Variants in VWA5B2 observed in about 807,000 individuals in gnomAD.
The protein encoded by VWA5B2 is von Willebrand factor A domain containing 5B2, also known as von Willebrand factor A domain-containing protein 5B2.
Under a neutral mutation model 118.5 loss-of-function variants are expected in VWA5B2, and 93 were observed. The ratio of observed to expected loss-of-function variants is 0.79; its 90% confidence interval spans 0.66 to 0.93. The LOEUF is 0.93. VWA5B2 is among the 40% of genes least tolerant of loss of function. The pLI, the probability that VWA5B2 is intolerant of heterozygous loss-of-function variation, is 0.00. For synonymous variants in VWA5B2, 708 were observed against 716.3 expected, an observed-to-expected ratio of 0.99 and a Z score of 0.19; for missense variants, 1,546 against 1,672.8, an observed-to-expected ratio of 0.92 and a Z score of 1.32.
chr3:184,240,795 T>G lies in VWA5B2; in HGVS notation c.2745T>G (p.His915Gln). 6.4e-7 allele frequency: 1 copy of G among 1,550,790 alleles called. No individual in the cohort carries two copies. Among genetic ancestry groups the G allele is most frequent in the Non-Finnish European group, 8.7e-7 (1 of 1,146,964 alleles). ...GACTGCTCCTTGGTTCCACAGGCCA[T>G]GCCCGGAGGTGCTGGCTTCGAGCCC... ...GGAETTADRG[H>Q]ARRCWLRALQ... The change falls in exon 17 of 20, where the codon CAT (histidine) becomes CAG (glutamine). Residue 915 changes from histidine (H) to glutamine (Q), a missense_variant. By Grantham distance (24) the His-to-Gln change is conservative. Transcript: ENST00000691901.
In VWA5B2 at chr3:184,230,504, C is replaced by T. The variant is rs1717268460; in HGVS notation, c.-25C>T. 2.1e-6 allele frequency: 3 copies of T among 1,434,400 alleles called. No homozygotes were observed. The South Asian group carries it at 4.2e-5, about 20-fold the overall frequency. The allele number at this position is 1,434,400 out of a possible 1,614,324, so 88.9% of individuals were successfully genotyped here. Reference sequence around the variant, plus strand: ...CTGCGCCCAGCTTCCCCGGCCCGTTCCCGCAGGGCCGGCCTCCCGGCGCCA... The same window carrying T: ...CTGCGCCCAGCTTCCCCGGCCCGTTTCCGCAGGGCCGGCCTCCCGGCGCCA... On this transcript the variant is annotated 5_prime_UTR_variant, in exon 2 of 20. Coordinates refer to ENST00000691901, the MANE Select transcript of VWA5B2 (RefSeq NM_001390846.1).
Position 184,238,564 on chromosome 3 carries a change from T to G in VWA5B2, c.1893T>G (p.Ser631Arg). Residue 631 changes from serine to arginine, a missense_variant and splice_region_variant, in exon 14 of 20, where the codon AGT becomes AGG. Ser to Arg is a moderately radical substitution (Grantham distance 110). Around this residue, in one of 3 missense-constraint regions of VWA5B2, gnomAD observed 775 missense variants for 882.3 expected, o/e 0.88. Coordinates refer to ENST00000691901, the MANE Select transcript of VWA5B2 (RefSeq NM_001390846.1). This position sits in a 1 kb window ranked among gnomAD's most constrained non-coding sequence, Gnocchi z 5.0. Reference protein sequence around the residue: ...SPWAARDSEQSTDALTDPVTD... With the variant: ...SPWAARDSEQRTDALTDPVTD... The stretch of plus-strand genomic sequence containing the variant: ...GCCCATTCTACTGCCTCCCAGCAGG[T>G]ACTGATGCTCTGACAGACCCAGTCA... 6.5e-7 allele frequency: 1 copy of G among 1,546,844 alleles called. No homozygotes were observed.
chr3:184,231,067 G>A (rs1367301252), intron 3 of VWA5B2, 150 bp downstream of exon 3: 3 of 1,180,268 alleles, frequency 2.5e-6, no homozygotes, highest in Non-Finnish European at 3.1e-6. Flanking sequence ...GTCGTGGGCT[G>A]GGCACCTGAC....
chr3:184,236,120 G>A (rs1022306551), intron 8 of VWA5B2, 32 bp from the exon 9 acceptor site: 38 of 1,537,824 alleles, frequency 2.5e-5, no homozygotes, highest in African/African-American at 2.7e-5. Flanking sequence ...CCATGGGGCC[G>A]GCCTCACGCC....
chr3:184,239,484 C>T lies in VWA5B2; in HGVS notation c.2293C>T (p.Gln765Ter), dbSNP rs996828198. 4 of 1,550,218 alleles carry T rather than the reference C, an allele frequency of 2.6e-6. No individual in the cohort carries two copies. The highest frequency in any genetic ancestry group is 2.6e-6 in the Non-Finnish European group (3 of 1,146,580). Residue 765 changes from glutamine (Q) to a stop codon, truncating the protein, a stop_gained, in exon 15 of 20, where the codon CAA becomes TAA. Coordinates refer to ENST00000691901, the MANE Select transcript of VWA5B2 (RefSeq NM_001390846.1). LOFTEE classifies it high-confidence loss of function. The surrounding 1 kb of genome is among the most constrained non-coding windows in gnomAD (Gnocchi z 5.1). ...SLSSPPGRAN[Q>*]VPGRPRKPSL... Reference sequence around the variant, plus strand: ...CTCATCCCCTCCAGGCCGGGCAAACCAAGTCCCCGGCCGACCCCGGAAACC... The same window carrying T: ...CTCATCCCCTCCAGGCCGGGCAAACTAAGTCCCCGGCCGACCCCGGAAACC...
chr3:184,231,255 T>C (rs1349831598), intron 3 of VWA5B2, among the ~76,000 whole-genome samples: 1 of 152,136 alleles, frequency 6.6e-6, no homozygotes, highest in African/African-American at 2.4e-5. Context: ...CCTTACTATT[T>C]TAGGCTGCAC....
Position 184,236,438 on chromosome 3 carries a change from G to GC in VWA5B2, c.1312dup (p.Gln438ProfsTer89). The GC allele has an allele frequency of 6.5e-7, 1 of 1,546,844 alleles. No homozygotes were observed. The highest frequency in any genetic ancestry group is 8.7e-7 in the Non-Finnish European group (1 of 1,146,816). ...CTGCTCTGGACTGGGCCGTGGGGCA[G>GC]CCCCAGCACAGGGCCTACCCTCGGC... is the stretch of plus-strand genomic sequence containing the variant. On this transcript the variant is annotated frameshift_variant, in exon 10 of 20. Coordinates refer to ENST00000691901, the MANE Select transcript of VWA5B2 (RefSeq NM_001390846.1). LOFTEE classifies it high-confidence loss of function.
chr3:184,234,711 G>A lies in VWA5B2; in HGVS notation c.901G>A (p.Asp301Asn). The A allele has an allele frequency of 6.4e-7, 1 of 1,551,520 alleles. No homozygotes were observed. Among genetic ancestry groups the A allele is most frequent in the Non-Finnish European group, 8.7e-7 (1 of 1,147,002 alleles). Residue 301 changes from aspartate to asparagine, a missense_variant, in exon 7 of 20, where the codon GAT becomes AAT. By Grantham distance (23) the Asp-to-Asn change is conservative (BLOSUM62 1). This residue lies in a region of VWA5B2 where 775 missense variants were observed against 882.3 expected (regional missense o/e 0.88). Transcript: ENST00000691901. Reference protein sequence around the residue: ...EYEARVRARRDFQRLQRRDSD... With the variant: ...EYEARVRARRNFQRLQRRDSD... ...TGAGGCCCGGGTGAGGGCCCGCCGAGATTTTCAGAGGCTACAGCGAAGGGA... is the reference window on the plus strand; with the variant it reads ...TGAGGCCCGGGTGAGGGCCCGCCGAAATTTTCAGAGGCTACAGCGAAGGGA...
chr3:184,231,984 C>T (rs1339771024), intron 3 of VWA5B2, among the ~76,000 whole-genome samples: 3 of 152,074 alleles, frequency 2.0e-5, no homozygotes, highest in Non-Finnish European at 4.4e-5. Flanking sequence ...AAGGTAGGGG[C>T]AACAGTATAA....
At chr3:184,240,752 G>T in intron 16 of VWA5B2, 39 bp from the exon 17 acceptor site, 1 of 1,546,320 alleles carries the variant, frequency 6.5e-7, no homozygotes. Context: ...GTAGAGGGTG[G>T]GTGGTGGGGG....
Position 184,234,256 on chromosome 3 carries a change from T to C in VWA5B2, c.689-10T>C. 1 of 1,551,372 alleles carries C rather than the reference T, an allele frequency of 6.4e-7. No homozygotes were observed. Among genetic ancestry groups the C allele is most frequent in the African/African-American group, 1.4e-5 (1 of 73,172 alleles). ...GCTACATCTCCCCTTCCTGCCTCTATGTCCCTCAGGCCTGGAGAGCCCCTC... is the reference window on the plus strand; with the variant it reads ...GCTACATCTCCCCTTCCTGCCTCTACGTCCCTCAGGCCTGGAGAGCCCCTC... On this transcript the variant is annotated splice_polypyrimidine_tract_variant and intron_variant, in intron 5 of 19. Coordinates refer to ENST00000691901, the MANE Select transcript of VWA5B2 (RefSeq NM_001390846.1).
At position 184,241,849 on chromosome 3, in the gene VWA5B2, C is replaced by G. The variant is rs1018114872; in HGVS notation, c.3540C>G (p.Cys1180Trp). The G allele has an allele frequency of 5.2e-6, 8 of 1,538,660 alleles. No individual in the cohort carries two copies. The highest frequency in any genetic ancestry group is 2.7e-5 in the African/African-American group (2 of 73,004). Residue 1180 changes from cysteine to tryptophan, a missense_variant, in exon 20 of 20, where the codon TGC (cysteine) becomes TGG (tryptophan). By Grantham distance (215) the Cys-to-Trp change is radical. Around this residue, in one of 3 missense-constraint regions of VWA5B2, gnomAD observed 763 missense variants for 766.6 expected, o/e 1.00. Coordinates refer to ENST00000691901, the MANE Select transcript of VWA5B2 (RefSeq NM_001390846.1). This position sits in a 1 kb window ranked among gnomAD's most constrained non-coding sequence, Gnocchi z 5.1. ...CACTCGCCTGGCTGGAGCACCGATG[C>G]GCCGCTGCCTTCGACGAGTGGGAAC... ...AVALAWLEHR[C>W]AAAFDEWELT...
intron 3 of VWA5B2, among the ~76,000 whole-genome samples, chr3:184,232,005 A>G (rs1342679945): frequency 1.3e-5 from 2 of 152,218 alleles, no homozygotes; most frequent in African/African-American, 2.4e-5. Context: ...GCAAATGCTT[A>G]TAAGTAGGTT....
At position 184,236,223 on chromosome 3, in the gene VWA5B2, G is replaced by A. The variant is rs1367969095; in HGVS notation, c.1173G>A (p.Leu391=). ...TLINLAVFGT[L]VQPLFPESRP... is the part of the protein sequence containing the mutation. ...TCAACCTGGCCGTGTTTGGGACGTT[G>A]GTGCAGCCACTCTTCCCAGAGAGCC... is the stretch of plus-strand genomic sequence containing the variant. Residue 391 remains leucine, a synonymous_variant, in exon 9 of 20, where the codon TTG becomes TTA. Coordinates refer to ENST00000691901, the MANE Select transcript of VWA5B2 (RefSeq NM_001390846.1). The A allele has an allele frequency of 6.4e-7, 1 of 1,551,770 alleles. No individual in the cohort carries two copies.
At position 184,241,778 on chromosome 3, in the gene VWA5B2, C is replaced by T; in HGVS notation, c.3469C>T (p.Leu1157=). 6.7e-7 allele frequency: 1 copy of T among 1,488,238 alleles called. No individual in the cohort carries two copies. The highest frequency in any genetic ancestry group is 8.9e-7 in the Non-Finnish European group (1 of 1,121,552). 92.2% of individuals were successfully genotyped at this position (1,488,238 alleles called of 1,614,324 possible). Residue 1157 remains leucine, a synonymous_variant, in exon 20 of 20, where the codon CTG becomes TTG. Transcript: ENST00000691901. The surrounding 1 kb of genome is among the most constrained non-coding windows in gnomAD (Gnocchi z 5.1). ...DTEASEGAEG[L]GGTDLRGRTW... ...CGAGGCCTCCGAGGGGGCGGAAGGG[C>T]TGGGCGGCACCGACCTGCGGGGCCG...
chr3:184,230,057 G>T (rs889370424), intron 1 of VWA5B2, among the ~76,000 whole-genome samples: 1 of 152,112 alleles, frequency 6.6e-6, no homozygotes, highest in African/African-American at 2.4e-5. Context: ...AGGGCCGGGG[G>T]CCTCCGGGGG....
At position 184,236,249 on chromosome 3, in the gene VWA5B2, G is replaced by A. The variant is rs867908315; in HGVS notation, c.1199G>A (p.Arg400Gln). Residue 400 changes from arginine (R) to glutamine (Q), a missense_variant, in exon 9 of 20, where the codon CGG (arginine) becomes CAG (glutamine). This residue lies in a region of VWA5B2 where 775 missense variants were observed against 882.3 expected (regional missense o/e 0.88). Coordinates refer to ENST00000691901, the MANE Select transcript of VWA5B2 (RefSeq NM_001390846.1). ...TLVQPLFPES[R>Q]PCSDDAVQLI... Reference sequence around the variant, plus strand: ...GTGCAGCCACTCTTCCCAGAGAGCCGGCCTTGCAGTGATGTGAGTGTGGTC... The same window carrying A: ...GTGCAGCCACTCTTCCCAGAGAGCCAGCCTTGCAGTGATGTGAGTGTGGTC... 2.1e-5 allele frequency: 33 copies of A among 1,551,656 alleles called. No homozygotes were observed. Among genetic ancestry groups the A allele is most frequent in the Admixed American group, 1.4e-4 (7 of 50,996 alleles).
At position 184,241,356 on chromosome 3, in the gene VWA5B2, G is replaced by A. The variant is rs903315144; in HGVS notation, c.3132G>A (p.Pro1044=). ...GRRHKLCSPD[P]GQANNSEGSD... ...GTCACAAACTCTGTAGCCCTGACCC[G>A]GGCCAGGCCAACAACAGTGAAGGCA... Residue 1044 remains proline (P), a synonymous_variant, in exon 19 of 20, where the codon CCG becomes CCA. Coordinates refer to ENST00000691901, the MANE Select transcript of VWA5B2 (RefSeq NM_001390846.1). The surrounding 1 kb of genome is among the most constrained non-coding windows in gnomAD (Gnocchi z 5.1). 7 of 1,554,914 alleles carry A rather than the reference G, an allele frequency of 4.5e-6. No individual in the cohort carries two copies. The highest frequency in any genetic ancestry group is 5.2e-6 in the Non-Finnish European group (6 of 1,149,034).
rs1717264788 is a variant in VWA5B2 at position 184,230,472 on chromosome 3, C to A, written c.-57C>A. On this transcript the variant is annotated 5_prime_UTR_variant, in exon 2 of 20. Coordinates refer to ENST00000691901, the MANE Select transcript of VWA5B2 (RefSeq NM_001390846.1). ...CCTCTGGAGCGCGGGGTGGGCGTCCCGTCACCCTGCGCCCAGCTTCCCCGG... is the reference window on the plus strand; with the variant it reads ...CCTCTGGAGCGCGGGGTGGGCGTCCAGTCACCCTGCGCCCAGCTTCCCCGG... The A allele has an allele frequency of 2.9e-6, 4 of 1,385,718 alleles. No homozygotes were observed. Among genetic ancestry groups the A allele is most frequent in the Non-Finnish European group, 2.8e-6 (3 of 1,080,074 alleles). 85.8% of individuals were successfully genotyped at this position (1,385,718 alleles called of 1,614,324 possible).
Sources: allele counts gnomAD v4.1 joint callset (sites outside exome capture counted in the v4.1 genomes callset), GRCh38; gene constraint gnomAD v4.1.1; regional missense constraint gnomAD v4.1.1; non-coding constraint Gnocchi (gnomAD v3.1); transcripts MANE v1.5; gene names NCBI Gene and HGNC (gene_info 2026-07-23, HGNC 2026-07-21).